Variants in SUPV3L1 observed in about 807,000 individuals in gnomAD.
SUPV3L1 encodes ATP-dependent RNA helicase SUPV3L1, mitochondrial.
In SUPV3L1, 35 loss-of-function variants were observed where a neutral mutation model predicts 70.0. That is an observed-to-expected ratio of 0.50 (90% CI 0.38 to 0.66). SUPV3L1 has a LOEUF of 0.66. SUPV3L1 is among the 30% of genes least tolerant of loss of function. The probability of loss-of-function intolerance (pLI) is 0.00; values close to 1 mark genes in which losing one functional copy is unlikely to be tolerated. For missense variants in SUPV3L1, 777 were observed against 961.5 expected, an observed-to-expected ratio of 0.81 and a Z score of 2.54; for synonymous variants, 364 against 341.9, an observed-to-expected ratio of 1.06 and a Z score of -0.71.
At chr10:69,202,732 G>A (rs1162685180) in intron 12 of SUPV3L1, 135 bp from the exon 13 acceptor site, 4 of 1,032,596 alleles carry the variant, frequency 3.9e-6, no homozygotes, top group African/African-American at 3.2e-5. Flanking sequence ...GGATATGAGG[G>A]AGTGATTAAA....
At chr10:69,199,737 T>C (rs1411126980) in intron 10 of SUPV3L1, among the ~76,000 whole-genome samples, 1 of 152,152 alleles carries the variant, frequency 6.6e-6, no homozygotes, top group African/African-American at 2.4e-5. Flanking sequence ...TTGTACTACG[T>C]CACTTTACTT....
At chr10:69,190,581 C>T (rs1435591535) in intron 5 of SUPV3L1, among the ~76,000 whole-genome samples, 1 of 152,190 alleles carries the variant, frequency 6.6e-6, no homozygotes, top group African/African-American at 2.4e-5. Flanking sequence ...ATTACTCTTA[C>T]TTAATACACA....
chr10:69,184,125 C>A (rs184518969), intron 1 of SUPV3L1, among the ~76,000 whole-genome samples: 1 of 152,022 alleles, frequency 6.6e-6, no homozygotes, highest in African/African-American at 2.4e-5. Flanking sequence ...TAAATGTGAT[C>A]TGTCTTTAGT....
In SUPV3L1 at chr10:69,207,905, C is replaced by G. The variant is rs754322999; in HGVS notation, c.1889C>G (p.Ala630Gly). The G allele has an allele frequency of 6.2e-7, 1 of 1,614,188 alleles. No homozygotes were observed. Among genetic ancestry groups the G allele is most frequent in the South Asian group, 1.1e-5 (1 of 91,088 alleles). ...KNIKDLMDLE[A>G]VHDVLDLYLW... ...ATTAAAGACCTCATGGATCTTGAAG[C>G]TGTCCACGATGTCTTGGATCTTTAC... is the stretch of plus-strand genomic sequence containing the variant. The change falls in exon 14 of 15, where the codon GCT becomes GGT. Residue 630 changes from alanine (A) to glycine (G), a missense_variant. Transcript: ENST00000359655.
chr10:69,202,042 T>C (rs563771087), intron 11 of SUPV3L1, among the ~76,000 whole-genome samples: 3 of 151,700 alleles, frequency 2.0e-5, no homozygotes, highest in African/African-American at 7.3e-5. Context: ...GGTTTCACCA[T>C]GTTGGGCAGG....
chr10:69,198,151 G>GA (rs1389702862), intron 8 of SUPV3L1, among the ~76,000 whole-genome samples: 1 of 152,154 alleles, frequency 6.6e-6, no homozygotes, highest in Non-Finnish European at 1.5e-5. Flanking sequence ...GAAAACAGGT[G>GA]AAACACTCTG....
At chr10:69,203,868 G>A (rs1842751967) in intron 13 of SUPV3L1, among the ~76,000 whole-genome samples, 1 of 151,768 alleles carries the variant, frequency 6.6e-6, no homozygotes, top group African/African-American at 2.4e-5. Flanking sequence ...TGGGACTACA[G>A]GCATGTGCCA....
At chr10:69,187,503 C>G in intron 3 of SUPV3L1, 139 bp from the exon 4 acceptor site, 1 of 570,288 alleles carries the variant, frequency 1.8e-6, no homozygotes, top group East Asian at 3.1e-5. Context: ...TTGACGTGAG[C>G]TACTGTGCCC....
intron 1 of SUPV3L1, among the ~76,000 whole-genome samples, chr10:69,183,962 A>G (rs1402423489): frequency 6.7e-6 from 1 of 148,836 alleles, no homozygotes; most frequent in African/African-American, 2.5e-5. Flanking sequence ...TTTCATATTT[A>G]TAGTGTCATA....
At chr10:69,195,483 A>C in intron 7 of SUPV3L1, 1 of 386,914 alleles carries the variant, frequency 2.6e-6, no homozygotes, top group Non-Finnish European at 4.6e-6. Context: ...ATGTAATTAA[A>C]GTTAAAATGT....
chr10:69,186,079 A>G lies in SUPV3L1; in HGVS notation c.349+15A>G. ...TGGACTTGATGGTAAGGCCCAAAACATCTTCATAGAGGTATTTTATTACCT... is the reference window on the plus strand; with the variant it reads ...TGGACTTGATGGTAAGGCCCAAAACGTCTTCATAGAGGTATTTTATTACCT... On this transcript the variant is annotated intron_variant, in intron 2 of 14. Transcript: ENST00000359655. 1 of 1,608,448 alleles carries G rather than the reference A, an allele frequency of 6.2e-7. No homozygotes were observed. The highest frequency in any genetic ancestry group is 8.5e-7 in the Non-Finnish European group (1 of 1,176,076).
At chr10:69,184,480 A>T (rs989398242) in intron 1 of SUPV3L1, among the ~76,000 whole-genome samples, 1 of 152,190 alleles carries the variant, frequency 6.6e-6, no homozygotes, top group Non-Finnish European at 1.5e-5. Flanking sequence ...GGTTGCAGTG[A>T]GCTGAGATCG....
intron 6 of SUPV3L1, chr10:69,192,449 T>G (rs1437336085): frequency 1.3e-5 from 2 of 152,224 alleles, no homozygotes; most frequent in African/African-American, 4.8e-5. Flanking sequence ...TCTAGATTGT[T>G]GTGTTTTAAA....
chr10:69,188,779 G>A (rs867835349), intron 4 of SUPV3L1, among the ~76,000 whole-genome samples: 5 of 152,174 alleles, frequency 3.3e-5, no homozygotes, highest in South Asian at 2.1e-4. Flanking sequence ...GATTACAGGC[G>A]TGAGCCACCA....
chr10:69,191,939 C>T (rs554518302), intron 6 of SUPV3L1, 173 bp downstream of exon 6: 125 of 453,878 alleles, frequency 2.8e-4, no homozygotes, highest in African/African-American at 7.0e-4. Flanking sequence ...CCCAAGTAGC[C>T]GGGATTACAG....
At chr10:69,195,094 G>A (rs1842506610) in intron 6 of SUPV3L1, 94 bp from the exon 7 acceptor site, 1 of 904,628 alleles carries the variant, frequency 1.1e-6, no homozygotes, top group African/African-American at 1.7e-5. Flanking sequence ...GATGGTGGTA[G>A]TGGTGATGGT....
intron 13 of SUPV3L1, among the ~76,000 whole-genome samples, chr10:69,203,923 C>T (rs1396880066): frequency 2.0e-5 from 3 of 151,822 alleles, no homozygotes; most frequent in Admixed American, 6.6e-5. Context: ...ACAGATCTCT[C>T]TATGTTACCC....
rs1334694412 is a variant in SUPV3L1 at position 69,209,015 on chromosome 10, A to G, written c.2341A>G (p.Lys781Glu). ...TCCAAAAGGGACGAGAAGAAAGAAG[A>G]AGGAACCTGATTCGGACTAGTTTTC... The part of the protein sequence containing the change: ...THPKGTRRKK[K>E]EPDSD Residue 781 changes from lysine (K) to glutamate (E), a missense_variant, in exon 15 of 15, where the codon AAG becomes GAG. Physicochemically the swap from Lys to Glu is moderately conservative, Grantham distance 56 (BLOSUM62 1). Around this residue, in one of 2 missense-constraint regions of SUPV3L1, gnomAD observed 619 missense variants for 823.3 expected, o/e 0.75. Transcript: ENST00000359655. The G allele has an allele frequency of 6.4e-6, 10 of 1,557,160 alleles. No individual in the cohort carries two copies. The highest frequency in any genetic ancestry group is 8.7e-6 in the Non-Finnish European group (10 of 1,153,308).
intron 4 of SUPV3L1, among the ~76,000 whole-genome samples, chr10:69,188,699 ATGT>A: frequency 6.6e-6 from 1 of 151,962 alleles, no homozygotes; most frequent in South Asian, 2.1e-4. Context: ...GGGGCTCACC[ATGT>A]TGGCCAGGCT....
Sources: gnomAD v4.1 joint callset for allele counts (sites outside exome capture counted in the v4.1 genomes callset) on GRCh38, gnomAD v4.1.1 for gene constraint, gnomAD v4.1.1 regional missense constraint, MANE v1.5 for transcripts, NCBI Gene and HGNC (gene_info 2026-07-23, HGNC 2026-07-21) for gene names.